The following HK1 variants were observed in gnomAD, a reference collection of about 807,000 sequenced individuals.
HK1 encodes hexokinase 1.
In HK1, 28 loss-of-function variants were observed where a neutral mutation model predicts 91.6. The ratio of observed to expected loss-of-function variants is 0.31; its 90% CI spans 0.23 to 0.42. The LOEUF is 0.42. Among genes scored for constraint, HK1 ranks in the 10% least tolerant of loss-of-function variants. The pLI, the probability that HK1 is intolerant of heterozygous loss-of-function variation, is 1.00. For synonymous variants in HK1, 430 were observed against 468.1 expected, an observed-to-expected ratio of 0.92 and a Z score of 1.05; for missense variants, 770 against 1,219.8, an observed-to-expected ratio of 0.63 and a Z score of 5.49.
chr10:69,325,739 G>T (rs1283143642), intron 1 of HK1, among the ~76,000 whole-genome samples: 1 of 151,598 alleles, frequency 6.6e-6, no homozygotes, highest in Non-Finnish European at 1.5e-5. Flanking sequence ...GTTTCACCAT[G>T]TTGGCCAGGC....
At chr10:69,318,464 C>G (rs1304418700), upstream of HK1, among the ~76,000 whole-genome samples, 1 of 152,216 alleles carries the variant, frequency 6.6e-6, no homozygotes, top group Non-Finnish European at 1.5e-5. Flanking sequence ...AGGGGCTTCT[C>G]GTCCCGGCGG....
intron 2 of HK1, among the ~76,000 whole-genome samples, chr10:69,347,004 C>T (rs993761715): frequency 7.9e-5 from 12 of 151,524 alleles, no homozygotes; most frequent in African/African-American, 2.9e-4. Context: ...TCAAGTATCC[C>T]GGTGGGGCCC....
Position 69,384,721 on chromosome 10 carries a change from A to ACTTTGGTC in HK1, c.1720-74_1720-73insTTTGGTCC, listed in dbSNP as rs1839550526. The ACTTTGGTC allele has an allele frequency of 3.1e-6, 5 of 1,595,918 alleles. No homozygotes were observed. In the African/African-American group the frequency reaches 6.7e-5, roughly 21 times the overall value. ...TGTTTTCCTACGTGTGTGTGTGTAT[A>ACTTTGGTC]CACACTTTGGTCCATGTGCACTGAT... On this transcript the variant is annotated intron_variant, in intron 11 of 17. Transcript: ENST00000359426.
upstream of HK1, among the ~76,000 whole-genome samples, chr10:69,311,524 C>A (rs770022566): frequency 6.6e-6 from 1 of 152,180 alleles, no homozygotes; most frequent in Non-Finnish European, 1.5e-5. Flanking sequence ...CAAAAGATAA[C>A]GATTTCATTT....
intron 1 of HK1, among the ~76,000 whole-genome samples, chr10:69,326,501 G>A (rs1238853596): frequency 6.6e-6 from 1 of 152,146 alleles, no homozygotes; most frequent in Non-Finnish European, 1.5e-5. Flanking sequence ...AGAAAATCAG[G>A]AATAGGATTC....
intron 1 of HK1, among the ~76,000 whole-genome samples, chr10:69,342,162 AAAAC>A (rs33984080): frequency 0.21 from 29,148 of 140,890 alleles, 3,405 homozygotes; most frequent in Non-Finnish European, 0.28. Flanking sequence ...ACCAACCCCA[AAAAC>A]AAACAAACAA....
chr10:69,392,319 C>T lies in HK1; in HGVS notation c.2219+11C>T, dbSNP rs1479989596. 2 of 1,614,116 alleles carry T rather than the reference C, an allele frequency of 1.2e-6. No homozygotes were observed. The highest frequency in any genetic ancestry group is 1.7e-4 in the Middle Eastern group (1 of 6,060). On this transcript the variant is annotated intron_variant, in intron 15 of 17. Transcript: ENST00000359426. ...TGCTGGGAAACAAAGGTAACCCCGCCTGGTGGAGAGGACACTCACAGTCAG... is the reference window on the plus strand; with the variant it reads ...TGCTGGGAAACAAAGGTAACCCCGCTTGGTGGAGAGGACACTCACAGTCAG...
intron 14 of HK1, among the ~76,000 whole-genome samples, chr10:69,390,182 G>C (rs927323475): frequency 1.3e-5 from 2 of 152,232 alleles, no homozygotes; most frequent in Non-Finnish European, 2.9e-5. Flanking sequence ...AAAAAACCTA[G>C]GGAGCAGCTG....
At chr10:69,387,413 C>G in intron 13 of HK1, among the ~76,000 whole-genome samples, 1 of 152,128 alleles carries the variant, frequency 6.6e-6, no homozygotes, top group South Asian at 2.1e-4. Flanking sequence ...TTCAGCCTCC[C>G]TAGTAGCTGG....
chr10:69,395,311 C>T (rs1468970722), intron 16 of HK1, among the ~76,000 whole-genome samples: 1 of 152,178 alleles, frequency 6.6e-6, no homozygotes, highest in Non-Finnish European at 1.5e-5. Flanking sequence ...GGTGTGGTGG[C>T]TCATGCCTGT....
In HK1 at chr10:69,393,656, C is replaced by T. The variant is rs1383870068; in HGVS notation, c.2220-1294C>T. Among the ~76,000 whole-genome samples the T allele has an allele frequency of 2.0e-5, 3 of 152,324 alleles. No homozygotes were observed. In the East Asian group the frequency reaches 5.8e-4, roughly 29 times the overall value. On this transcript the variant is annotated intron_variant, in intron 15 of 17. Transcript: ENST00000359426. ...GGAAAAAGAGGAAGAACCAATAGTA[C>T]CATAAAGAGATGGTAACTAAAAAAT... is the stretch of plus-strand genomic sequence containing the variant.
At chr10:69,335,469 C>T (rs772120232) in intron 1 of HK1, among the ~76,000 whole-genome samples, 12 of 152,150 alleles carry the variant, frequency 7.9e-5, no homozygotes, top group Non-Finnish European at 1.3e-4. Flanking sequence ...GGTGATAGCC[C>T]CTGTAGTACC....
At chr10:69,361,035 G>A (rs1473148878) in intron 3 of HK1, among the ~76,000 whole-genome samples, 1 of 127,916 alleles carries the variant, frequency 7.8e-6, no homozygotes, top group Non-Finnish European at 1.7e-5. Flanking sequence ...AGACCCAGGA[G>A]CCTTCTCTTG....
At chr10:69,338,539 T>A (rs7912524) in intron 1 of HK1, 661,561 of 1,289,328 alleles carry the variant, frequency 0.51, 172,344 homozygotes, top group African/African-American at 0.67. Context: ...CAGCTGGAAG[T>A]GGTGCTGTGC....
intron 7 of HK1, 139 bp from the exon 8 acceptor site, chr10:69,376,795 C>G: frequency 9.4e-7 from 1 of 1,067,066 alleles, no homozygotes; most frequent in Non-Finnish European, 1.5e-6. Context: ...GTCACTCAAG[C>G]ACATGGTTTT....
intron 1 of HK1, among the ~76,000 whole-genome samples, chr10:69,329,310 A>C (rs183025690): frequency 6.1e-4 from 92 of 152,042 alleles, no homozygotes; most frequent in East Asian, 4.1e-3. Flanking sequence ...CTATAGGCGC[A>C]TGCCACCATG....
At chr10:69,320,072 C>G (rs534127455) in intron 1 of HK1, among the ~76,000 whole-genome samples, 17 of 152,234 alleles carry the variant, frequency 1.1e-4, no homozygotes, top group Non-Finnish European at 2.4e-4. Context: ...GCCCGGCAAG[C>G]CATAGGGTGT....
intron 11 of HK1, 124 bp from the exon 12 acceptor site, chr10:69,384,672 C>T: frequency 6.9e-7 from 1 of 1,449,052 alleles, no homozygotes; most frequent in Non-Finnish European, 9.7e-7. Context: ...GAAAAGGAGG[C>T]TCACTCTGCA....
chr10:69,295,744 C>A, intron 4 of HK1: 1 of 1,038,986 alleles, frequency 9.6e-7, no homozygotes. Context: ...TAGTGCGTGG[C>A]AATCCCCTTT....
Sources: allele counts gnomAD v4.1 joint callset (sites outside exome capture counted in the v4.1 genomes callset), GRCh38; gene constraint gnomAD v4.1.1; transcripts MANE v1.5; gene names NCBI Gene and HGNC (gene_info 2026-07-23, HGNC 2026-07-21).